Variants in NCOR1 observed in about 807,000 individuals in gnomAD.
The protein encoded by NCOR1 is nuclear receptor corepressor 1.
In NCOR1, 63 loss-of-function variants were observed where a neutral mutation model predicts 288.1. The observed-to-expected ratio is 0.22, with a 90% CI of 0.18 to 0.27. The LOEUF is 0.27. NCOR1 is among the 10% of genes least tolerant of loss of function. The pLI is 1.00. For synonymous variants in NCOR1, 1,007 were observed against 1,065.9 expected (o/e 0.94, Z 1.08); for missense variants, 2,397 against 3,019.2 (o/e 0.79, Z 4.83).
intron 21 of NCOR1, among the ~76,000 whole-genome samples, chr17:16,093,600 C>CT (rs893820616): frequency 2.0e-5 from 3 of 152,030 alleles, no homozygotes; most frequent in Non-Finnish European, 4.4e-5. Context: ...AGAGGTCTGA[C>CT]TTTTTTTTAG....
At chr17:16,176,349 A>G (rs911733645) in intron 3 of NCOR1, among the ~76,000 whole-genome samples, 4 of 151,956 alleles carry the variant, frequency 2.6e-5, no homozygotes, top group African/African-American at 9.7e-5. Flanking sequence ...CCTCACTGCC[A>G]CCTCCACCTC....
chr17:16,157,636 A>G (rs1170658354), intron 6 of NCOR1, among the ~76,000 whole-genome samples: 3 of 152,148 alleles, frequency 2.0e-5, no homozygotes, highest in African/African-American at 7.2e-5. Context: ...AAATCAAATC[A>G]ATCAAAACAA....
chr17:16,056,744 AG>A (rs1355320717), intron 40 of NCOR1, among the ~76,000 whole-genome samples: 1 of 152,222 alleles, frequency 6.6e-6, no homozygotes, highest in East Asian at 1.9e-4. Flanking sequence ...ACAGAATATC[AG>A]GTAAGAAGAT....
intron 37 of NCOR1, among the ~76,000 whole-genome samples, chr17:16,060,666 A>T (rs954059150): frequency 2.0e-5 from 3 of 149,922 alleles, no homozygotes; most frequent in African/African-American, 4.9e-5. Flanking sequence ...ATGAGAAATC[A>T]TTTTTTTTTT....
chr17:16,129,856 C>T (rs542301701), intron 14 of NCOR1, among the ~76,000 whole-genome samples: 1 of 152,288 alleles, frequency 6.6e-6, no homozygotes, highest in South Asian at 2.1e-4. Context: ...ATCTTATTTC[C>T]CCAATACTTT....
rs1187981553 is a variant in NCOR1 at position 16,095,664 on chromosome 17, TGGG to T, written c.2820+2700_2820+2702del. Among the ~76,000 whole-genome samples, 54 of 7,910 alleles carry T rather than the reference TGGG, an allele frequency of 6.8e-3. 17 individuals are homozygous for T. The highest frequency in any genetic ancestry group is 0.011 in the African/African-American group (19 of 1,738). 5.2% of individuals were successfully genotyped at this position (7,910 alleles called of 152,430 possible). On this transcript the variant is annotated intron_variant, in intron 21 of 45. Coordinates refer to ENST00000268712, the MANE Select transcript of NCOR1 (RefSeq NM_006311.4). The stretch of plus-strand genomic sequence containing the variant: ...CCAGCCGCCCCGTCCGGGAGGGAGG[TGGG>T]GGGGGGGGTCAGCCGCCCCGTCCGG...
chr17:16,171,672 T>C (rs1040525922), intron 4 of NCOR1, 131 bp downstream of exon 4: 9 of 814,524 alleles, frequency 1.1e-5, no homozygotes, highest in African/African-American at 1.8e-5. Flanking sequence ...TTTAACAAAA[T>C]TTTTACTTTC....
At chr17:16,173,748 G>A (rs565851356) in intron 3 of NCOR1, among the ~76,000 whole-genome samples, 1 of 152,064 alleles carries the variant, frequency 6.6e-6, no homozygotes, top group South Asian at 2.1e-4. Flanking sequence ...TGACCAACAT[G>A]GAGAAAAACC....
At position 16,126,138 on chromosome 17, in the gene NCOR1, T is replaced by G; in HGVS notation, c.1578A>C (p.Glu526Asp). The change falls in exon 15 of 46, where the codon GAA becomes GAC. Residue 526 changes from glutamate (E) to aspartate (D), a missense_variant. Around this residue, in one of 11 missense-constraint regions of NCOR1, gnomAD observed 113 missense variants for 139.5 expected, o/e 0.81. Coordinates refer to ENST00000268712, the MANE Select transcript of NCOR1 (RefSeq NM_006311.4). ...CATCTTTCTTTTCTTCTTCTTTTTTTTCTGTTTTTTCTGCTTTATCCTCTT... is the reference window on the plus strand; with the variant it reads ...CATCTTTCTTTTCTTCTTCTTTTTTGTCTGTTTTTTCTGCTTTATCCTCTT... ...EKEEDKAEKTEKKEEEKKDEE... is the reference protein window; with the variant it reads ...EKEEDKAEKTDKKEEEKKDEE... The G allele has an allele frequency of 6.4e-7, 1 of 1,559,094 alleles. No homozygotes were observed. The highest frequency in any genetic ancestry group is 1.8e-4 in the Middle Eastern group (1 of 5,712).
At chr17:16,178,767 G>A (rs762965837) in intron 3 of NCOR1, among the ~76,000 whole-genome samples, 34 of 152,032 alleles carry the variant, frequency 2.2e-4, no homozygotes, top group Non-Finnish European at 4.4e-4. Context: ...TAGGGGACAA[G>A]TAAGCTGAAT....
intron 22 of NCOR1, among the ~76,000 whole-genome samples, chr17:16,090,966 G>T (rs1008938842): frequency 6.6e-6 from 1 of 152,134 alleles, no homozygotes; most frequent in Non-Finnish European, 1.5e-5. Flanking sequence ...TAAGCATATC[G>T]TAGCATATAA....
At chr17:16,114,286 C>G (rs771155825) in intron 18 of NCOR1, among the ~76,000 whole-genome samples, 53 of 152,072 alleles carry the variant, frequency 3.5e-4, no homozygotes, top group Non-Finnish European at 3.8e-4. Context: ...CACTGGGTCC[C>G]TCCCACAACA....
At position 16,092,704 on chromosome 17, in the gene NCOR1, T is replaced by C. The variant is rs1318069298; in HGVS notation, c.2821-646A>G. Reference sequence around the variant, plus strand: ...ATATATATATATATATATTTTTTTTTTTTTTTTTTTTTAAGACATAGTCTC... The same window carrying C: ...ATATATATATATATATATTTTTTTTCTTTTTTTTTTTTAAGACATAGTCTC... On this transcript the variant is annotated intron_variant, in intron 21 of 45. Coordinates refer to ENST00000268712, the MANE Select transcript of NCOR1 (RefSeq NM_006311.4). Among the ~76,000 whole-genome samples the C allele has an allele frequency of 1.7e-4, 15 of 89,576 alleles. 1 individual carries two copies. Among genetic ancestry groups the C allele is most frequent in the African/African-American group, 7.0e-4 (15 of 21,540 alleles). The allele number at this position is 89,576 out of a possible 152,430, so 58.8% of individuals were successfully genotyped here.
rs577803446 is a variant in NCOR1 at position 16,093,205 on chromosome 17, G to A, written c.2821-1147C>T. On this transcript the variant is annotated intron_variant, in intron 21 of 45. Coordinates refer to ENST00000268712, the MANE Select transcript of NCOR1 (RefSeq NM_006311.4). The stretch of plus-strand genomic sequence containing the variant: ...TTTGAAACTCCATTCTTCTTCAGTT[G>A]CTCTCCATTTTAGACATGGAACCCC... Among the ~76,000 whole-genome samples, 6 of 152,226 alleles carry A rather than the reference G, an allele frequency of 3.9e-5. No individual in the cohort carries two copies. The South Asian group carries it at 1.2e-3, about 32-fold the overall frequency.
intron 2 of NCOR1, 81 bp downstream of exon 2, chr17:16,194,381 C>G: frequency 1.2e-6 from 1 of 814,858 alleles, no homozygotes. Context: ...TTGGTGGTTT[C>G]TGTCCCACAT....
At chr17:16,133,043 G>A (rs111693860) in intron 14 of NCOR1, among the ~76,000 whole-genome samples, 9 of 151,488 alleles carry the variant, frequency 5.9e-5, no homozygotes, top group African/African-American at 1.5e-4. Context: ...ATCTAGGCTC[G>A]CTGCAACCTC....
intron 21 of NCOR1, among the ~76,000 whole-genome samples, chr17:16,092,647 T>TTTTATATA (rs1340274279): frequency 1.6e-4 from 5 of 32,132 alleles, no homozygotes; most frequent in Admixed American, 5.9e-4. Context: ...TCAGATCCAT[T>TTTTATATA]TATATATATA....
intron 1 of NCOR1, among the ~76,000 whole-genome samples, chr17:16,198,952 T>C (rs1463091515): frequency 1.3e-5 from 2 of 151,914 alleles, no homozygotes; most frequent in Non-Finnish European, 2.9e-5. Flanking sequence ...GTGGCCTAAA[T>C]GATTAGAAAC....
At chr17:16,120,261 C>A (rs1025863936) in intron 16 of NCOR1, among the ~76,000 whole-genome samples, 2 of 152,124 alleles carry the variant, frequency 1.3e-5, no homozygotes, top group African/African-American at 4.8e-5. Context: ...AAACTGACCT[C>A]CACAATTGCT....
Sources: gnomAD v4.1 joint callset for allele counts (sites outside exome capture counted in the v4.1 genomes callset) on GRCh38, gnomAD v4.1.1 for gene constraint, gnomAD v4.1.1 regional missense constraint, MANE v1.5 for transcripts, NCBI Gene and HGNC (gene_info 2026-07-23, HGNC 2026-07-21) for gene names.